Variants in RO60 observed in about 807,000 individuals in gnomAD.
The protein encoded by RO60 is Ro60, Y RNA binding protein.
Under a neutral mutation model 55.3 loss-of-function variants are expected in RO60, and 20 were observed. The observed-to-expected ratio is 0.36, with a 90% confidence interval of 0.25 to 0.53. The LOEUF (loss-of-function observed/expected upper bound fraction) is 0.53. Among genes scored for constraint, RO60 ranks in the 20% least tolerant of loss-of-function variants. The probability of loss-of-function intolerance (pLI) is 0.92; values close to 1 mark genes in which losing one functional copy is unlikely to be tolerated. For missense variants in RO60, 558 were observed against 646.6 expected, an observed-to-expected ratio of 0.86 and a Z score of 1.49; for synonymous variants, 213 against 213.6, an observed-to-expected ratio of 1.00 and a Z score of 0.02.
intron 1 of RO60, among the ~76,000 whole-genome samples, chr1:193,060,493 G>GA (rs1672506261): frequency 6.6e-6 from 1 of 152,016 alleles, no homozygotes; most frequent in East Asian, 1.9e-4. Context: ...CATATTCCAA[G>GA]AAAGACCTTT....
In RO60 at chr1:193,085,080, G is replaced by A. The variant is rs1481095393; in HGVS notation, c.*349G>A. ...TGTAATTCCACATCATGTTACTTGA[G>A]AAGTGCTTAACGTTTTCTTAAATGT... On this transcript the variant is annotated 3_prime_UTR_variant, in exon 9 of 9. Coordinates refer to ENST00000400968, the MANE Select transcript of RO60 (RefSeq NM_001173524.2). 4 of 1,495,924 alleles carry A rather than the reference G, an allele frequency of 2.7e-6. No individual in the cohort carries two copies. In the Admixed American group the frequency reaches 9.8e-5, roughly 37 times the overall value. 92.7% of individuals were successfully genotyped at this position (1,495,924 alleles called of 1,614,324 possible). A position where few individuals can be genotyped will look rare whatever the true frequency, so the allele number is the denominator to read the frequency against.
intron 2 of RO60, among the ~76,000 whole-genome samples, chr1:193,075,394 A>T (rs1395233375): frequency 6.7e-6 from 1 of 150,058 alleles, no homozygotes; most frequent in Non-Finnish European, 1.5e-5. Context: ...TTGTAAATAT[A>T]TATATTTTAT....
intron 1 of RO60, among the ~76,000 whole-genome samples, chr1:193,064,298 T>TA (rs1672969353): frequency 6.6e-6 from 1 of 152,336 alleles, no homozygotes; most frequent in Admixed American, 6.5e-5. Flanking sequence ...TCTAAACATA[T>TA]AGTTGGTCTT....
intron 1 of RO60, among the ~76,000 whole-genome samples, chr1:193,061,090 G>C (rs1173416590): frequency 6.6e-6 from 1 of 152,156 alleles, no homozygotes; most frequent in Non-Finnish European, 1.5e-5. Context: ...CTTTCATTAT[G>C]TTAACGTTTA....
At chr1:193,077,651 AACT>A (rs1674019704) in intron 5 of RO60, among the ~76,000 whole-genome samples, 1 of 152,138 alleles carries the variant, frequency 6.6e-6, no homozygotes. Context: ...GGATTATGGG[AACT>A]ACAATTCAAG....
At chr1:193,061,881 G>A (rs1018947757) in intron 1 of RO60, among the ~76,000 whole-genome samples, 2 of 152,066 alleles carry the variant, frequency 1.3e-5, no homozygotes, top group African/African-American at 4.8e-5. Flanking sequence ...CTACTCAGGA[G>A]GCTGAGGCAG....
chr1:193,085,637 T>C lies in RO60; in HGVS notation c.*906T>C, dbSNP rs1048544604. On this transcript the variant is annotated 3_prime_UTR_variant, in exon 9 of 9. Transcript: ENST00000400968. ...AAAGTATAACAATTAAAATCTCAAC[T>C]ATAACCAGTTTAGCTTTTTCCTTAC... 2.0e-6 allele frequency: 2 copies of C among 984,194 alleles called. No homozygotes were observed. Among genetic ancestry groups the C allele is most frequent in the African/African-American group, 3.5e-5 (2 of 57,336 alleles). The allele number at this position is 984,194 out of a possible 1,614,324, so 61.0% of individuals were successfully genotyped here.
At position 193,085,624 on chromosome 1, in the gene RO60, T is replaced by C; in HGVS notation, c.*893T>C. On this transcript the variant is annotated 3_prime_UTR_variant, in exon 9 of 9. Transcript: ENST00000400968. The stretch of plus-strand genomic sequence containing the variant: ...CCCCCTCATTCACAAAGTATAACAA[T>C]TAAAATCTCAACTATAACCAGTTTA... 1 of 984,500 alleles carries C rather than the reference T, an allele frequency of 1.0e-6. No individual in the cohort carries two copies. Among genetic ancestry groups the C allele is most frequent in the South Asian group, 4.7e-5 (1 of 21,274 alleles). 61.0% of individuals were successfully genotyped at this position (984,500 alleles called of 1,614,324 possible).
intron 1 of RO60, among the ~76,000 whole-genome samples, chr1:193,068,256 A>G (rs750195570): frequency 6.6e-6 from 1 of 152,198 alleles, no homozygotes; most frequent in Admixed American, 6.5e-5. Context: ...ATAAGTATAC[A>G]TGCTTAGGCC....
chr1:193,061,037 T>C (rs1204893909), intron 1 of RO60, among the ~76,000 whole-genome samples: 2 of 152,354 alleles, frequency 1.3e-5, no homozygotes, highest in South Asian at 2.1e-4. Flanking sequence ...AAATTTAGCC[T>C]TTGGCACAAT....
intron 8 of RO60, 23 bp from the exon 9 acceptor site, chr1:193,084,556 T>A: frequency 6.3e-7 from 1 of 1,593,204 alleles, no homozygotes; most frequent in Non-Finnish European, 8.5e-7. Flanking sequence ...GTTTTTAATA[T>A]GTATTTTGGT....
rs1165471145 is a variant in RO60 at position 193,087,055 on chromosome 1, A to T, written c.*2324A>T. ...ATGGTCTCAGAAGAGTAGAGGATAA[A>T]ATAAAATTATTTAAGACTTTTACCT... On this transcript the variant is annotated 3_prime_UTR_variant, in exon 9 of 9. Transcript: ENST00000400968. The T allele has an allele frequency of 1.3e-5, 2 of 152,164 alleles. No individual in the cohort carries two copies. Among genetic ancestry groups the T allele is most frequent in the Non-Finnish European group, 2.9e-5 (2 of 67,998 alleles). The allele number at this position is 152,164 out of a possible 1,614,324, so 9.4% of individuals were successfully genotyped here.
At chr1:193,077,635 A>G (rs552543420) in intron 5 of RO60, among the ~76,000 whole-genome samples, 2 of 152,140 alleles carry the variant, frequency 1.3e-5, no homozygotes, top group African/African-American at 2.4e-5. Flanking sequence ...ACCCTTGAAC[A>G]TGTGGGGATT....
At chr1:193,063,082 A>G (rs1248693917) in intron 1 of RO60, among the ~76,000 whole-genome samples, 1 of 152,122 alleles carries the variant, frequency 6.6e-6, no homozygotes, top group Admixed American at 6.5e-5. Flanking sequence ...ACTATATTTA[A>G]CCTTTTGAGA....
rs762947133 is a variant in RO60 at position 193,059,786 on chromosome 1, T to C, written c.-22+10T>C. 4.4e-6 allele frequency: 6 copies of C among 1,357,008 alleles called. No homozygotes were observed. The Admixed American group carries it at 5.9e-5, about 13-fold the overall frequency. 84.1% of individuals were successfully genotyped at this position (1,357,008 alleles called of 1,614,324 possible). A position where few individuals can be genotyped will look rare whatever the true frequency, so the allele number is the denominator to read the frequency against. On this transcript the variant is annotated intron_variant, in intron 1 of 8. Coordinates refer to ENST00000400968, the MANE Select transcript of RO60 (RefSeq NM_001173524.2). The surrounding 1 kb of genome is among the most constrained non-coding windows in gnomAD (Gnocchi z 4.9). ...CGGCTGCCAGGTACAGGTGAGGACATTGCGGGAGGCCGGCTGGGAGCCTTT... is the reference window on the plus strand; with the variant it reads ...CGGCTGCCAGGTACAGGTGAGGACACTGCGGGAGGCCGGCTGGGAGCCTTT...
chr1:193,080,665 G>T (rs1402870724), intron 5 of RO60, among the ~76,000 whole-genome samples: 5 of 152,056 alleles, frequency 3.3e-5, no homozygotes. Context: ...TATATATAAT[G>T]GAATATTATT....
rs762328790 is a variant in RO60, at chr1:193,075,931, C to T, written c.692C>T (p.Ala231Val). ...GAAAAATTATTAAAGTATCTGGAGG[C>T]TGTAGAGAAAGTGAAGCGCACAAGA... ...ETEKLLKYLE[A>V]VEKVKRTRDE... The change falls in exon 3 of 9, where the codon GCT (alanine) becomes GTT (valine). Residue 231 changes from alanine to valine, a missense_variant. Coordinates refer to ENST00000400968, the MANE Select transcript of RO60 (RefSeq NM_001173524.2). 2.5e-6 allele frequency: 4 copies of T among 1,613,010 alleles called. No homozygotes were observed. Among genetic ancestry groups the T allele is most frequent in the Non-Finnish European group, 3.4e-6 (4 of 1,179,382 alleles).
intron 1 of RO60, among the ~76,000 whole-genome samples, chr1:193,061,620 T>C (rs1672744593): frequency 6.6e-6 from 1 of 152,252 alleles, no homozygotes; most frequent in Non-Finnish European, 1.5e-5. Context: ...ATTTCCTGAT[T>C]TTGCATTCTA....
chr1:193,066,662 A>G (rs985459637), intron 1 of RO60, among the ~76,000 whole-genome samples: 9 of 152,116 alleles, frequency 5.9e-5, no homozygotes, highest in African/African-American at 1.7e-4. Context: ...TTAGCTTTTA[A>G]TGGTTAATAT....
Sources: allele counts gnomAD v4.1 joint callset (sites outside exome capture counted in the v4.1 genomes callset), GRCh38; gene constraint gnomAD v4.1.1; non-coding constraint Gnocchi (gnomAD v3.1); transcripts MANE v1.5; gene names NCBI Gene and HGNC (gene_info 2026-07-23, HGNC 2026-07-21).